RGS3: variants seen among roughly 807,000 people sequenced by gnomAD.
RGS3 encodes the protein regulator of G-protein signalling 3.
Under a neutral mutation model 132.6 loss-of-function variants are expected in RGS3, and 80 were observed. The ratio of observed to expected loss-of-function variants is 0.60; its 90% CI spans 0.50 to 0.73. RGS3 has a LOEUF of 0.73. Among genes scored for constraint, RGS3 ranks in the 30% least tolerant of loss-of-function variants. The pLI is 0.00. For missense variants in RGS3, 1,382 were observed against 1,530.8 expected (o/e 0.90, Z 1.62); for synonymous variants, 598 against 620.6 (o/e 0.96, Z 0.54).
chr9:113,561,902 G>A (rs1483414816), intron 19 of RGS3, among the ~76,000 whole-genome samples: 1 of 152,180 alleles, frequency 6.6e-6, no homozygotes, highest in African/African-American at 2.4e-5. Context: ...TGGGGGTACT[G>A]TATTCCAAAA....
At position 113,516,996 on chromosome 9, in the gene RGS3, G is replaced by A. The variant is rs1028132019; in HGVS notation, c.1675-545G>A. On this transcript the variant is annotated intron_variant, in intron 15 of 24. Coordinates refer to ENST00000350696, the Ensembl canonical transcript of RGS3. The stretch of plus-strand genomic sequence containing the variant: ...CTCTGGGCTGGGCTGGGCAAGGTGA[G>A]GGAGTAGGGTGAGAGGTTTGGGTGA... Among the ~76,000 whole-genome samples, 4 of 152,234 alleles carry A rather than the reference G, an allele frequency of 2.6e-5. No individual in the cohort carries two copies. The East Asian group carries it at 7.7e-4, about 29-fold the overall frequency.
At chr9:113,568,509 G>T (rs1221719240) in intron 19 of RGS3, among the ~76,000 whole-genome samples, 1 of 152,234 alleles carries the variant, frequency 6.6e-6, no homozygotes, top group African/African-American at 2.4e-5. Context: ...CCAGTTCTCT[G>T]ATTCTTTGCA....
chr9:113,524,076 G>A (rs369293729), intron 17 of RGS3, among the ~76,000 whole-genome samples: 1 of 152,192 alleles, frequency 6.6e-6, no homozygotes. Flanking sequence ...ACCACAGGGC[G>A]GTGGGAAGAA....
chr9:113,579,684 C>T lies in RGS3; in HGVS notation c.2038-3766C>T, dbSNP rs768642798. 1.8e-4 allele frequency among the ~76,000 whole-genome samples: 28 copies of T among 152,194 alleles called. No homozygotes were observed. The highest frequency in any genetic ancestry group is 3.8e-4 in the Non-Finnish European group (26 of 68,044). ...TGTACTTCCTCTATCAGAGCAGTCC[C>T]CATGCTCCTTCAAACTAGTTGTCTA... On this transcript the variant is annotated intron_variant, in intron 19 of 24. Coordinates refer to ENST00000350696, the Ensembl canonical transcript of RGS3. This position sits in a 1 kb window ranked among gnomAD's most constrained non-coding sequence, Gnocchi z 4.3.
At chr9:113,494,210 G>A (rs909967251) in intron 7 of RGS3, among the ~76,000 whole-genome samples, 3 of 151,984 alleles carry the variant, frequency 2.0e-5, no homozygotes, top group Admixed American at 2.0e-4. Flanking sequence ...TATTGATACT[G>A]TCTTTTTTTT....
chr9:113,458,819 T>A (rs896787939), upstream of RGS3, among the ~76,000 whole-genome samples: 1 of 152,230 alleles, frequency 6.6e-6, no homozygotes, highest in Non-Finnish European at 1.5e-5. Context: ...TGGCATTATC[T>A]TGGCCCACTG....
chr9:113,502,050 G>T (rs147329995), intron 10 of RGS3, among the ~76,000 whole-genome samples: 1 of 152,152 alleles, frequency 6.6e-6, no homozygotes. Flanking sequence ...ATGTGAGATC[G>T]GGTGTTTTCG....
chr9:113,525,558 C>G (rs1832163317), intron 17 of RGS3, among the ~76,000 whole-genome samples: 1 of 152,202 alleles, frequency 6.6e-6, no homozygotes, highest in South Asian at 2.1e-4. Flanking sequence ...ATTAATATTG[C>G]TCATGACTCC....
At chr9:113,555,052 G>A (rs1327635576) in intron 19 of RGS3, among the ~76,000 whole-genome samples, 1 of 152,028 alleles carries the variant, frequency 6.6e-6, no homozygotes, top group Non-Finnish European at 1.5e-5. Context: ...TTTCCAACCC[G>A]ATTTTTTTGA....
intron 20 of RGS3, among the ~76,000 whole-genome samples, chr9:113,584,997 C>T (rs1462690225): frequency 6.6e-6 from 1 of 152,208 alleles, no homozygotes; most frequent in Non-Finnish European, 1.5e-5. Context: ...AATCTGGTTC[C>T]AGGGCCAGTG....
chr9:113,534,967 G>T (rs1476801020), intron 18 of RGS3, among the ~76,000 whole-genome samples: 4 of 151,996 alleles, frequency 2.6e-5, no homozygotes, highest in Non-Finnish European at 5.9e-5. Flanking sequence ...CTCCATGGTT[G>T]TAGAAACCAT....
In RGS3 at chr9:113,474,936, G is replaced by A. The variant is rs76202774; in HGVS notation, c.416-4555G>A. On this transcript the variant is annotated intron_variant, in intron 3 of 24. Coordinates refer to ENST00000350696, the Ensembl canonical transcript of RGS3. The stretch of plus-strand genomic sequence containing the variant: ...TTTCTGAGTATGTCTCTTTCTGACT[G>A]TGGCCTGTGGGTTAGAGTTCATCTG... Among the ~76,000 whole-genome samples, 713 of 152,234 alleles carry A rather than the reference G, an allele frequency of 4.7e-3. 3 individuals carry two copies. The highest frequency in any genetic ancestry group is 0.016 in the African/African-American group (682 of 41,532).
intron 4 of RGS3, 75 bp downstream of exon 2, chr9:113,479,616 G>C: frequency 7.2e-6 from 10 of 1,380,504 alleles, no homozygotes; most frequent in Non-Finnish European, 1.0e-5. Flanking sequence ...TGGGGTTGGG[G>C]GATGGTGGCA....
At chr9:113,529,182 C>T in intron 17 of RGS3, 39 bp from the exon 16 acceptor site, 1 of 1,547,394 alleles carries the variant, frequency 6.5e-7, no homozygotes, top group Non-Finnish European at 8.9e-7. Flanking sequence ...GGCTCTTTAT[C>T]CAGTTCTAAT....
At chr9:113,556,279 G>A (rs1833563884) in intron 19 of RGS3, among the ~76,000 whole-genome samples, 1 of 152,098 alleles carries the variant, frequency 6.6e-6, no homozygotes, top group South Asian at 2.1e-4. Flanking sequence ...TCCTAACTAG[G>A]TAAGTCCTTT....
chr9:113,518,336 A>G (rs1029998862), intron 16 of RGS3, among the ~76,000 whole-genome samples: 1 of 152,170 alleles, frequency 6.6e-6, no homozygotes, highest in Admixed American at 6.5e-5. Context: ...GGCTGAGTCG[A>G]GTGGCAGCTT....
intron 1 of RGS3, chr9:113,444,982 A>G (rs1432329751): frequency 6.6e-6 from 1 of 152,224 alleles, no homozygotes; most frequent in African/African-American, 2.4e-5. Context: ...AAGCAGAAGT[A>G]AGGCTTAATT....
intron 16 of RGS3, among the ~76,000 whole-genome samples, chr9:113,519,510 CAAAAAAA>C (rs35813905): frequency 0.081 from 8,064 of 99,594 alleles, 718 homozygotes; most frequent in African/African-American, 0.25. Context: ...TTACTCACAC[CAAAAAAA>C]AAAAAAAAAA....
chr9:113,523,592 G>A (rs1016882331), intron 17 of RGS3, among the ~76,000 whole-genome samples: 8 of 152,150 alleles, frequency 5.3e-5, no homozygotes, highest in African/African-American at 1.9e-4. Context: ...CCAAGCCGCT[G>A]GGGCTCAGGC....
Sources: allele counts gnomAD v4.1 joint callset (sites outside exome capture counted in the v4.1 genomes callset), GRCh38; gene constraint gnomAD v4.1.1; non-coding constraint Gnocchi (gnomAD v3.1); transcripts MANE v1.5; gene names NCBI Gene and HGNC (gene_info 2026-07-23, HGNC 2026-07-21).